The following GGCT variants were observed in gnomAD, a reference collection of about 807,000 sequenced individuals.
GGCT encodes the protein gamma-glutamylcyclotransferase.
A neutral mutation model predicts 22.1 loss-of-function variants in GGCT; 20 were observed. That is an observed-to-expected ratio of 0.91 (90% CI 0.64 to 1.32). GGCT has a LOEUF of 1.32. Ranked by LOEUF, GGCT falls within the 40% of genes most tolerant of loss-of-function variation. The probability of loss-of-function intolerance (pLI) is 0.00; values close to 1 mark genes in which losing one functional copy is unlikely to be tolerated. For synonymous variants in GGCT, 72 were observed against 78.4 expected (o/e 0.92, Z 0.43); for missense variants, 209 against 223.5 (o/e 0.94, Z 0.41).
chr7:30,497,609 A>G (rs1256184395), intron 3 of GGCT: 3 of 464,386 alleles, frequency 6.5e-6, no homozygotes, highest in South Asian at 1.1e-4. Context: ...GCCAGAGGTT[A>G]CCCTTGCTCT....
Position 30,498,895 on chromosome 7 carries a change from T to C in GGCT, c.331A>G (p.Lys111Glu). ...KSGMYVVIEV[K>E]VATQEGKEIT... ...TCTTTTCCTTCTTGAGTTGCAACTT[T>C]AACTTCTATTACAACATACATTCCA... Residue 111 changes from lysine to glutamate, a missense_variant, in exon 3 of 4, where the codon AAA (lysine) becomes GAA (glutamate). Transcript: ENST00000275428. 6.2e-7 allele frequency: 1 copy of C among 1,613,080 alleles called. No individual in the cohort carries two copies. The highest frequency in any genetic ancestry group is 2.2e-5 in the East Asian group (1 of 44,862).
chr7:30,503,781 C>CTTTTT (rs58105855), intron 1 of GGCT, among the ~76,000 whole-genome samples: 6 of 68,560 alleles, frequency 8.8e-5, no homozygotes, highest in East Asian at 4.8e-4. Context: ...TCAACACATT[C>CTTTTT]TTTTTTTTTT....
chr7:30,499,712 C>CA lies in GGCT; in HGVS notation c.288-775dup, dbSNP rs1053558460. Among the ~76,000 whole-genome samples the CA allele has an allele frequency of 1.0e-3, 129 of 126,230 alleles. 1 individual carries two copies. Among genetic ancestry groups the CA allele is most frequent in the Admixed American group, 8.0e-4 (10 of 12,510 alleles). 82.8% of individuals were successfully genotyped at this position (126,230 alleles called of 152,430 possible). On this transcript the variant is annotated intron_variant, in intron 2 of 3. Transcript: ENST00000275428. ...GGGCAACAAGAGCGAGACTCCGTTACAAAAAAAAAAAAGTAAGCTTAGCTT... is the reference window on the plus strand; with the variant it reads ...GGGCAACAAGAGCGAGACTCCGTTACAAAAAAAAAAAAAGTAAGCTTAGCTT...
At chr7:30,498,531 T>C (rs544353744) in intron 3 of GGCT, among the ~76,000 whole-genome samples, 33 of 152,306 alleles carry the variant, frequency 2.2e-4, no homozygotes, top group Non-Finnish European at 4.3e-4. Flanking sequence ...GCAATTCTTA[T>C]GCCTCAGCCT....
Position 30,504,764 on chromosome 7 carries a change from G to C in GGCT, c.-55C>G, listed in dbSNP as rs1348917720. ...AAGCAGAGTGTAAGGAACGGCCAGAGAGCGCAACACTGGGGCCCACTACCC... is the reference window on the plus strand; with the variant it reads ...AAGCAGAGTGTAAGGAACGGCCAGACAGCGCAACACTGGGGCCCACTACCC... On this transcript the variant is annotated 5_prime_UTR_variant, in exon 1 of 4. Coordinates refer to ENST00000275428, the MANE Select transcript of GGCT (RefSeq NM_024051.4). The C allele has an allele frequency of 1.9e-6, 3 of 1,578,458 alleles. No individual in the cohort carries two copies. The highest frequency in any genetic ancestry group is 2.6e-6 in the Non-Finnish European group (3 of 1,149,280).
intron 2 of GGCT, 123 bp downstream of exon 2, chr7:30,500,412 TA>T: frequency 1.5e-6 from 1 of 684,738 alleles, no homozygotes; most frequent in Non-Finnish European, 2.4e-6. Context: ...ATGTTGACTC[TA>T]AAAGTATAAT....
At chr7:30,498,434 A>AT (rs1789612209) in intron 3 of GGCT, among the ~76,000 whole-genome samples, 1 of 152,060 alleles carries the variant, frequency 6.6e-6, no homozygotes, top group African/African-American at 2.4e-5. Flanking sequence ...TTTTTTAGAA[A>AT]TTTTTTTGAG....
At chr7:30,501,928 G>A (rs1013095639) in intron 1 of GGCT, among the ~76,000 whole-genome samples, 1 of 152,248 alleles carries the variant, frequency 6.6e-6, no homozygotes, top group African/African-American at 2.4e-5. Context: ...ACCAGGAGAT[G>A]TGATAAAAGT....
rs769526034 is a variant in GGCT, at chr7:30,498,802, C to T, written c.423+1G>A. The stretch of plus-strand genomic sequence containing the variant: ...TCACCACCAGTCTGTAAATAGCTTA[C>T]CTTTTTATACTGTGGGGATGGGGGA... On this transcript the variant is annotated splice_donor_variant, in intron 3 of 3. Coordinates refer to ENST00000275428, the MANE Select transcript of GGCT (RefSeq NM_024051.4). LOFTEE classifies it high-confidence loss of function. The T allele has an allele frequency of 1.2e-6, 2 of 1,610,954 alleles. No homozygotes were observed. Among genetic ancestry groups the T allele is most frequent in the Admixed American group, 1.7e-5 (1 of 59,900 alleles).
chr7:30,499,569 C>T (rs984856682), intron 2 of GGCT, among the ~76,000 whole-genome samples: 4 of 150,616 alleles, frequency 2.7e-5, no homozygotes, highest in Admixed American at 1.3e-4. Flanking sequence ...AAAATTAGTC[C>T]GACATGGTGG....
intron 3 of GGCT, chr7:30,497,952 T>C: frequency 1.1e-6 from 1 of 919,162 alleles, no homozygotes; most frequent in Non-Finnish European, 1.5e-6. Flanking sequence ...CCTATAAAAA[T>C]GAATCTTGGT....
chr7:30,496,906 A>T lies in GGCT; in HGVS notation c.*186T>A, dbSNP rs1023125220. On this transcript the variant is annotated 3_prime_UTR_variant, in exon 4 of 4. Transcript: ENST00000275428. Reference sequence around the variant, plus strand: ...TTCAGGCCCTCATACACCCCTTTTAAATTGTCTAACTCCTATCCCAGTTTC... The same window carrying T: ...TTCAGGCCCTCATACACCCCTTTTATATTGTCTAACTCCTATCCCAGTTTC... 3 of 412,342 alleles carry T rather than the reference A, an allele frequency of 7.3e-6. No individual in the cohort carries two copies. The allele number at this position is 412,342 out of a possible 1,614,324, so 25.5% of individuals were successfully genotyped here.
rs751243564 is a variant in GGCT at position 30,504,689 on chromosome 7, C to T, written c.21G>A (p.Lys7=). 6.2e-7 allele frequency: 1 copy of T among 1,614,146 alleles called. No individual in the cohort carries two copies. The highest frequency in any genetic ancestry group is 2.2e-5 in the East Asian group (1 of 44,870). Residue 7 remains lysine, a synonymous_variant, in exon 1 of 4, where the codon AAG becomes AAA. Coordinates refer to ENST00000275428, the MANE Select transcript of GGCT (RefSeq NM_024051.4). ...TCTCCTCATCTGGACCCGTGACGTC[C>T]TTGCAGCCCGAGTTGGCCATATCCC... MANSGC[K]DVTGPDEESF...
rs753858212 is a variant in GGCT, at chr7:30,497,109, C to A, written c.550G>T (p.Glu184Ter). Residue 184 changes from glutamate (E) to a stop codon, truncating the protein, a stop_gained, in exon 4 of 4, where the codon GAA becomes TAA. Coordinates refer to ENST00000275428, the MANE Select transcript of GGCT (RefSeq NM_024051.4). LOFTEE classifies it high-confidence loss of function. ...GTTATGTTCTAAAGAGTTTGTGTTT[C>A]CCCCTTTTTGATGATGTCTTCAATT... ...EEIEDIIKKG[E>*]TQTL 2.1e-5 allele frequency: 34 copies of A among 1,597,738 alleles called. No homozygotes were observed. The highest frequency in any genetic ancestry group is 2.0e-4 in the East Asian group (9 of 44,738).
At chr7:30,498,678 C>T in intron 3 of GGCT, 125 bp downstream of exon 3, 1 of 826,120 alleles carries the variant, frequency 1.2e-6, no homozygotes, top group South Asian at 1.7e-5. Context: ...CCCAGCCTTC[C>T]AAAGTGGTGG....
rs180732736 is a variant in GGCT, at chr7:30,498,164, A to G, written c.423+639T>C. 5.1e-3 allele frequency among the ~76,000 whole-genome samples: 738 copies of G among 144,878 alleles called. 6 individuals carry two copies. Among genetic ancestry groups the G allele is most frequent in the Non-Finnish European group, 8.3e-3 (543 of 65,588 alleles). ...CATGTCTACATCATAAAAATGAAGCAAAAATTTATTGCCAGGCAAAAGAAA... is the reference window on the plus strand; with the variant it reads ...CATGTCTACATCATAAAAATGAAGCGAAAATTTATTGCCAGGCAAAAGAAA... On this transcript the variant is annotated intron_variant, in intron 3 of 3. Transcript: ENST00000275428.
At chr7:30,500,746 A>G in intron 1 of GGCT, 65 bp from the exon 2 acceptor site, 2 of 1,387,396 alleles carry the variant, frequency 1.4e-6, no homozygotes, top group Non-Finnish European at 2.0e-6. Context: ...TCATCAAAAT[A>G]AAAAGGATTT....
At chr7:30,498,026 T>TATATATATATATATATATATAC (rs68111355) in intron 3 of GGCT, 49 of 219,424 alleles carry the variant, frequency 2.2e-4, no homozygotes, top group African/African-American at 1.0e-3. Context: ...TATATATAGA[T>TATATATATATATATATATATAC]ACACACACAC....
intron 3 of GGCT, 41 bp from the exon 4 acceptor site, chr7:30,497,276 GT>G: frequency 1.3e-6 from 2 of 1,505,798 alleles, no homozygotes; most frequent in Non-Finnish European, 1.8e-6. Context: ...AACCCTTTCA[GT>G]TAGGAATATA....
Sources: allele counts gnomAD v4.1 joint callset (sites outside exome capture counted in the v4.1 genomes callset), GRCh38; gene constraint gnomAD v4.1.1; transcripts MANE v1.5; gene names NCBI Gene and HGNC (gene_info 2026-07-23, HGNC 2026-07-21).